Variants in KIAA0319L observed in about 807,000 individuals in gnomAD.
The protein encoded by KIAA0319L is KIAA0319 like.
KIAA0319L carries 55 observed loss-of-function variants against 120.1 expected under a neutral mutation model. The observed-to-expected ratio is 0.46, with a 90% CI of 0.37 to 0.57. The LOEUF (loss-of-function observed/expected upper bound fraction) is 0.57. KIAA0319L is among the 20% of genes least tolerant of loss of function. The pLI is 0.00. For missense variants in KIAA0319L, 1,049 were observed against 1,255.3 expected (o/e 0.84, Z 2.48); for synonymous variants, 398 against 471.9 (o/e 0.84, Z 2.03).
chr1:35,544,784 G>C (rs1646921544), intron 2 of KIAA0319L, among the ~76,000 whole-genome samples: 2 of 152,172 alleles, frequency 1.3e-5, no homozygotes, highest in Non-Finnish European at 2.9e-5. Flanking sequence ...GCTGATATCA[G>C]ACTCACCGTC....
chr1:35,455,002 A>G (rs1354187195), intron 10 of KIAA0319L, among the ~76,000 whole-genome samples: 1 of 152,220 alleles, frequency 6.6e-6, no homozygotes, highest in Non-Finnish European at 1.5e-5. Context: ...CATTTAAACA[A>G]AAGTCAGGTA....
At chr1:35,497,202 T>C (rs1014488991) in intron 3 of KIAA0319L, among the ~76,000 whole-genome samples, 2 of 148,590 alleles carry the variant, frequency 1.3e-5, no homozygotes, top group South Asian at 2.1e-4. Flanking sequence ...GGGGGGGTGA[T>C]AGAAATGTTA....
At position 35,506,940 on chromosome 1, in the gene KIAA0319L, G is replaced by T; in HGVS notation, c.338C>A (p.Pro113His). 6.2e-7 allele frequency: 1 copy of T among 1,613,968 alleles called. No individual in the cohort carries two copies. The highest frequency in any genetic ancestry group is 8.5e-7 in the Non-Finnish European group (1 of 1,179,972). ...TGTCCTAAAAGCCCGGCAGCTCTGG[G>T]GCCTGCTGCAGTCTGCCTGAATGCA... ...GMCIQADCSR[P>H]QSCRAFRTHS... The change falls in exon 3 of 21, where the codon CCC becomes CAC. Residue 113 changes from proline to histidine, a missense_variant. Coordinates refer to ENST00000325722, the MANE Select transcript of KIAA0319L (RefSeq NM_024874.5). The surrounding 1 kb of genome is among the most constrained non-coding windows in gnomAD (Gnocchi z 4.0).
intron 3 of KIAA0319L, among the ~76,000 whole-genome samples, chr1:35,496,887 C>A (rs748663399): frequency 1.5e-5 from 2 of 131,884 alleles, no homozygotes; most frequent in East Asian, 5.2e-4. Context: ...GTCGAGGCTG[C>A]GGAGAGCAGA....
Position 35,506,649 on chromosome 1 carries a change from T to C in KIAA0319L, c.629A>G (p.Asn210Ser), listed in dbSNP as rs148323343. Reference protein sequence around the residue: ...VTQHSKVNDSNELGGLTTSGS... With the variant: ...VTQHSKVNDSSELGGLTTSGS... ...ACTGGTAGTCAGACCACCTAATTCG[T>C]TGGAGTCATTCACTTTAGAATGCTG... Residue 210 changes from asparagine to serine, a missense_variant, in exon 3 of 21, where the codon AAC becomes AGC. By Grantham distance (46) the Asn-to-Ser change is conservative. Transcript: ENST00000325722. This position sits in a 1 kb window ranked among gnomAD's most constrained non-coding sequence, Gnocchi z 4.0. The C allele has an allele frequency of 1.2e-4, 193 of 1,614,126 alleles. No homozygotes were observed. The African/African-American group carries it at 1.2e-3, about 10-fold the overall frequency.
intron 5 of KIAA0319L, among the ~76,000 whole-genome samples, chr1:35,471,759 A>C (rs966560780): frequency 1.1e-4 from 16 of 152,192 alleles, no homozygotes; most frequent in Admixed American, 6.5e-4. Flanking sequence ...GGAAAAAAAA[A>C]CCTGAAACAC....
chr1:35,457,672 A>G (rs1274310210), intron 9 of KIAA0319L, among the ~76,000 whole-genome samples: 1 of 152,186 alleles, frequency 6.6e-6, no homozygotes, highest in African/African-American at 2.4e-5. Context: ...CAGAAAGAGG[A>G]AAAGCATAGA....
At chr1:35,547,087 T>C (rs1462497294) in intron 2 of KIAA0319L, among the ~76,000 whole-genome samples, 1 of 145,506 alleles carries the variant, frequency 6.9e-6, no homozygotes, top group African/African-American at 2.5e-5. Flanking sequence ...TGCTGGATCA[T>C]ATATATTATT....
intron 12 of KIAA0319L, 90 bp from the exon 13 acceptor site, chr1:35,451,866 C>A: frequency 7.5e-7 from 1 of 1,329,068 alleles, no homozygotes; most frequent in Non-Finnish European, 1.1e-6. Flanking sequence ...ACTCCCTCAG[C>A]AAAGACACGA....
intron 7 of KIAA0319L, among the ~76,000 whole-genome samples, chr1:35,466,173 G>A (rs1228344425): frequency 6.6e-6 from 1 of 152,214 alleles, no homozygotes; most frequent in Non-Finnish European, 1.5e-5. Flanking sequence ...CAAGGTGAAA[G>A]AGACTGGTAG....
At position 35,450,477 on chromosome 1, in the gene KIAA0319L, C is replaced by T. The variant is rs1180712196; in HGVS notation, c.2095G>A (p.Gly699Arg). The T allele has an allele frequency of 1.2e-6, 2 of 1,613,932 alleles. No individual in the cohort carries two copies. Reference protein sequence around the residue: ...INKPPIAKITGNVVITLPTST... With the variant: ...INKPPIAKITRNVVITLPTST... ...GTGGGTAGGGTAATCACCACATTCC[C>T]AGTTATCTTGGCTATAGGTGGTTTG... The change falls in exon 14 of 21, where the codon GGG becomes AGG. Residue 699 changes from glycine to arginine, a missense_variant. Transcript: ENST00000325722.
intron 1 of KIAA0319L, among the ~76,000 whole-genome samples, chr1:35,556,283 G>C (rs1648024511): frequency 6.6e-6 from 1 of 152,198 alleles, no homozygotes; most frequent in East Asian, 1.9e-4. Flanking sequence ...GTTGATGGGG[G>C]ATGTATCACA....
chr1:35,550,568 A>G (rs1410217320), intron 2 of KIAA0319L, among the ~76,000 whole-genome samples: 1 of 152,236 alleles, frequency 6.6e-6, no homozygotes, highest in Non-Finnish European at 1.5e-5. Context: ...CTAGTCAAAA[A>G]AATACATAAA....
intron 8 of KIAA0319L, among the ~76,000 whole-genome samples, chr1:35,460,786 TA>T (rs1021847162): frequency 9.9e-5 from 15 of 152,202 alleles, no homozygotes; most frequent in African/African-American, 1.2e-4. Context: ...TTTTTTAACC[TA>T]CAAAATTGGT....
chr1:35,442,116 G>T, intron 19 of KIAA0319L, 130 bp downstream of exon 19: 1 of 724,220 alleles, frequency 1.4e-6, no homozygotes, highest in Non-Finnish European at 2.5e-6. Flanking sequence ...TGCCTTAGGT[G>T]GGTCAGAACT....
chr1:35,531,250 T>C (rs1309964004), intron 2 of KIAA0319L, among the ~76,000 whole-genome samples: 1 of 152,196 alleles, frequency 6.6e-6, no homozygotes, highest in Non-Finnish European at 1.5e-5. Flanking sequence ...GCTTGCACTT[T>C]GGCACCCTTT....
Position 35,468,142 on chromosome 1 carries a change from TG to T in KIAA0319L, c.1114-1448del, listed in dbSNP as rs1187096196. Among the ~76,000 whole-genome samples the T allele has an allele frequency of 7.3e-5, 11 of 151,686 alleles. No individual in the cohort carries two copies. The East Asian group carries it at 7.7e-4, about 11-fold the overall frequency. ...CTGTAACAAACATCTTCCAGGCAAA[TG>T]TTTTTTTTTTTCTTTCTTTCTTTCT... On this transcript the variant is annotated intron_variant, in intron 6 of 20. Coordinates refer to ENST00000325722, the MANE Select transcript of KIAA0319L (RefSeq NM_024874.5).
intron 6 of KIAA0319L, among the ~76,000 whole-genome samples, chr1:35,467,692 C>T (rs1643360848): frequency 6.9e-6 from 1 of 144,790 alleles, no homozygotes. Flanking sequence ...ATCATACAAT[C>T]TTTTTTTTTT....
intron 2 of KIAA0319L, among the ~76,000 whole-genome samples, chr1:35,508,383 C>T (rs571326489): frequency 3.9e-5 from 6 of 152,234 alleles, no homozygotes; most frequent in African/African-American, 1.4e-4. Context: ...AGACCTCTAA[C>T]GAAAGCAACT....
Sources: allele counts gnomAD v4.1 joint callset (sites outside exome capture counted in the v4.1 genomes callset), GRCh38; gene constraint gnomAD v4.1.1; non-coding constraint Gnocchi (gnomAD v3.1); transcripts MANE v1.5; gene names NCBI Gene and HGNC (gene_info 2026-07-23, HGNC 2026-07-21).